MIER3: variants seen among roughly 807,000 people sequenced by gnomAD.
MIER3 encodes the protein MIER family member 3.
Under a neutral mutation model 63.2 loss-of-function variants are expected in MIER3, and 9 were observed. That is an observed-to-expected ratio of 0.14 (90% CI 0.09 to 0.25). The LOEUF (loss-of-function observed/expected upper bound fraction) is 0.25. Ranked by LOEUF, MIER3 falls within the 10% of genes least tolerant of loss-of-function variation. The probability of loss-of-function intolerance (pLI) is 1.00; values close to 1 mark genes in which losing one functional copy is unlikely to be tolerated. For synonymous variants in MIER3, 205 were observed against 224.9 expected (o/e 0.91, Z 0.79); for missense variants, 512 against 666.2 (o/e 0.77, Z 2.55).
At position 56,923,295 on chromosome 5, in the gene MIER3, C is replaced by CT; in HGVS notation, c.1485dup (p.Val496SerfsTer5). ...TCCACACCCAGGTTATTTACAGAAA[C>CT]TTCATTCATAAAGGATTCAGGGACG... On this transcript the variant is annotated frameshift_variant, in exon 13 of 13. Transcript: ENST00000381199. LOFTEE classifies it high-confidence loss of function. The CT allele has an allele frequency of 6.2e-7, 1 of 1,614,174 alleles. No homozygotes were observed. Among genetic ancestry groups the CT allele is most frequent in the Non-Finnish European group, 8.5e-7 (1 of 1,180,024 alleles).
chr5:56,930,790 C>T, intron 8 of MIER3, 45 bp from the exon 9 acceptor site: 1 of 1,474,478 alleles, frequency 6.8e-7, no homozygotes, highest in African/African-American at 1.4e-5. Flanking sequence ...TCATACCTAA[C>T]AGCATTTTAA....
chr5:56,924,801 C>T (rs1003121018), intron 10 of MIER3, among the ~76,000 whole-genome samples: 5 of 152,210 alleles, frequency 3.3e-5, no homozygotes, highest in Admixed American at 6.5e-5. Context: ...TAAATGCTTT[C>T]TCCCTTGCTT....
intron 3 of MIER3, among the ~76,000 whole-genome samples, chr5:56,943,897 T>A (rs1750737091): frequency 6.6e-6 from 1 of 152,180 alleles, no homozygotes; most frequent in African/African-American, 2.4e-5. Context: ...CCTATTTACA[T>A]TTTAAGGGAC....
At chr5:56,939,795 A>T (rs1750576703) in intron 3 of MIER3, among the ~76,000 whole-genome samples, 1 of 152,218 alleles carries the variant, frequency 6.6e-6, no homozygotes, top group South Asian at 2.1e-4. Context: ...TACCATGCAC[A>T]ACGTAACATT....
intron 4 of MIER3, 90 bp from the exon 5 acceptor site, chr5:56,937,788 G>A (rs989874912): frequency 1.7e-6 from 2 of 1,177,632 alleles, no homozygotes; most frequent in African/African-American, 1.6e-5. Context: ...TCATTAAGAA[G>A]CAGTTGGAAC....
intron 3 of MIER3, among the ~76,000 whole-genome samples, chr5:56,944,941 C>T (rs1275260881): frequency 6.6e-6 from 1 of 152,110 alleles, no homozygotes; most frequent in Non-Finnish European, 1.5e-5. Flanking sequence ...AAGCGATCAT[C>T]CCACTTCAGC....
rs781152411 is a variant in MIER3, at chr5:56,923,640, G to C, written c.1195+51C>G. On this transcript the variant is annotated intron_variant, in intron 12 of 12. Coordinates refer to ENST00000381199, the MANE Select transcript of MIER3 (RefSeq NM_001297599.2). ...AGTGGTCCTATGACATCAAACAGAGGACACAATTTTGCAACAAACTGTACT... is the reference window on the plus strand; with the variant it reads ...AGTGGTCCTATGACATCAAACAGAGCACACAATTTTGCAACAAACTGTACT... 1.3e-4 allele frequency: 214 copies of C among 1,613,174 alleles called. 2 individuals are homozygous for C. The highest frequency in any genetic ancestry group is 2.5e-6 in the Non-Finnish European group (3 of 1,179,398).
At chr5:56,926,114 A>C (rs1277422521) in intron 10 of MIER3, among the ~76,000 whole-genome samples, 1 of 152,130 alleles carries the variant, frequency 6.6e-6, no homozygotes, top group Non-Finnish European at 1.5e-5. Context: ...TGGATTATAG[A>C]CCTAAATGTA....
rs1420769759 is a variant in MIER3 at position 56,919,644 on chromosome 5, A to G, written c.*3484T>C. The G allele has an allele frequency of 6.5e-6, 1 of 152,686 alleles. No individual in the cohort carries two copies. The highest frequency in any genetic ancestry group is 1.5e-5 in the Non-Finnish European group (1 of 68,038). The allele number at this position is 152,686 out of a possible 1,614,324, so 9.5% of individuals were successfully genotyped here. On this transcript the variant is annotated 3_prime_UTR_variant, in exon 13 of 13. Transcript: ENST00000381199. ...TTATTTCTGGAACTGTACACCAGGT[A>G]TTAAAGTACAACAAATACAAAATAA... is the stretch of plus-strand genomic sequence containing the variant.
At chr5:56,927,280 A>C (rs1369304050) in intron 10 of MIER3, among the ~76,000 whole-genome samples, 1 of 152,120 alleles carries the variant, frequency 6.6e-6, no homozygotes, top group Non-Finnish European at 1.5e-5. Flanking sequence ...TTGGCTCATT[A>C]ATTTTAACAA....
In MIER3 at chr5:56,933,396, A is replaced by G; in HGVS notation, c.598T>C (p.Tyr200His). 6.2e-7 allele frequency: 1 copy of G among 1,603,378 alleles called. No homozygotes were observed. Among genetic ancestry groups the G allele is most frequent in the African/African-American group, 1.3e-5 (1 of 74,410 alleles). The change falls in exon 8 of 13, where the codon TAT (tyrosine) becomes CAT (histidine). Residue 200 changes from tyrosine (Y) to histidine (H), a missense_variant and splice_region_variant. Tyr to His is a moderately conservative substitution (Grantham distance 83). Around this residue, in one of 5 missense-constraint regions of MIER3, gnomAD observed 118 missense variants for 133.6 expected, o/e 0.88. Coordinates refer to ENST00000381199, the MANE Select transcript of MIER3 (RefSeq NM_001297599.2). ...CAAAGTAACTGGTCTTCGTTTTCAT[A>G]TACTGATAAAGAAAATCCCATTAAC... ...LGEYDGNEKV[Y>H]ENEDQLLWCP...
At chr5:56,952,155 C>G (rs1751063547), upstream of MIER3, 5 of 1,185,862 alleles carry the variant, frequency 4.2e-6, no homozygotes, top group Non-Finnish European at 5.3e-6. Flanking sequence ...CCGGATGGGG[C>G]GCCTGAGCCA....
rs74960578 is a variant in MIER3, at chr5:56,925,213, C to T, written c.925-1171G>A. The T allele has an allele frequency of 2.7e-5, 9 of 332,566 alleles. No homozygotes were observed. In the East Asian group the frequency reaches 6.2e-4, roughly 23 times the overall value. The allele number at this position is 332,566 out of a possible 1,614,324, so 20.6% of individuals were successfully genotyped here. A position where few individuals can be genotyped will look rare whatever the true frequency, so the allele number is the denominator to read the frequency against. On this transcript the variant is annotated intron_variant, in intron 10 of 12. Transcript: ENST00000381199. Reference sequence around the variant, plus strand: ...GAGAAACATTAGATTTTCAAACATACAGAAAGTGTGAAATTTTCAACATCA... The same window carrying T: ...GAGAAACATTAGATTTTCAAACATATAGAAAGTGTGAAATTTTCAACATCA...
chr5:56,925,999 A>G (rs1352843635), intron 10 of MIER3, among the ~76,000 whole-genome samples: 1 of 152,130 alleles, frequency 6.6e-6, no homozygotes, highest in East Asian at 1.9e-4. Flanking sequence ...ATGGAGGAAG[A>G]ATGTCTTTTC....
chr5:56,951,372 G>A (rs1265652397), intron 1 of MIER3, among the ~76,000 whole-genome samples: 1 of 152,010 alleles, frequency 6.6e-6, no homozygotes, highest in African/African-American at 2.4e-5. Flanking sequence ...CGGGGGACAT[G>A]GCCGGGGCAG....
At position 56,923,475 on chromosome 5, in the gene MIER3, C is replaced by T. The variant is rs1749782294; in HGVS notation, c.1306G>A (p.Val436Ile). The change falls in exon 13 of 13, where the codon GTT becomes ATT. Residue 436 changes from valine to isoleucine, a missense_variant. By Grantham distance (29) the Val-to-Ile change is conservative (BLOSUM62 3). Coordinates refer to ENST00000381199, the MANE Select transcript of MIER3 (RefSeq NM_001297599.2). ...AGGGTGAGTAACTCTTCTGTTACAA[C>T]AGGCACATGATTAACTTGTCCACGG... ...TPRGQVNHVPVVTEELLTLPS... is the reference protein window; with the variant it reads ...TPRGQVNHVPIVTEELLTLPS... 1.2e-6 allele frequency: 2 copies of T among 1,614,168 alleles called. No individual in the cohort carries two copies.
intron 2 of MIER3, among the ~76,000 whole-genome samples, chr5:56,949,214 C>G (rs977882850): frequency 3.3e-5 from 5 of 152,024 alleles, no homozygotes; most frequent in African/African-American, 1.2e-4. Flanking sequence ...AAAAATCAGC[C>G]AGGTGTGGTG....
At chr5:56,950,914 G>A (rs894183106) in intron 1 of MIER3, among the ~76,000 whole-genome samples, 1 of 152,058 alleles carries the variant, frequency 6.6e-6, no homozygotes, top group Non-Finnish European at 1.5e-5. Context: ...GTCGCTTCTT[G>A]GAGCTCAGCA....
In MIER3 at chr5:56,924,559, C is replaced by T. The variant is rs543314816; in HGVS notation, c.925-517G>A. Among the ~76,000 whole-genome samples, 4 of 152,322 alleles carry T rather than the reference C, an allele frequency of 2.6e-5. No individual in the cohort carries two copies. The South Asian group carries it at 8.3e-4, about 32-fold the overall frequency. The stretch of plus-strand genomic sequence containing the variant: ...TCCAAAAGAGATTAAGAACCCTTGG[C>T]AAATGGACCAACGGTCTACAGCATC... On this transcript the variant is annotated intron_variant, in intron 10 of 12. Coordinates refer to ENST00000381199, the MANE Select transcript of MIER3 (RefSeq NM_001297599.2).
Sources: gnomAD v4.1 joint callset for allele counts (sites outside exome capture counted in the v4.1 genomes callset) on GRCh38, gnomAD v4.1.1 for gene constraint, gnomAD v4.1.1 regional missense constraint, MANE v1.5 for transcripts, NCBI Gene and HGNC (gene_info 2026-07-23, HGNC 2026-07-21) for gene names.